CNTNAP4: variants seen among roughly 807,000 people sequenced by gnomAD.
CNTNAP4 encodes the protein contactin-associated protein-like 4.
Under a neutral mutation model 148.4 loss-of-function variants are expected in CNTNAP4, and 98 were observed. The observed-to-expected ratio is 0.66, with a 90% CI of 0.56 to 0.78. The LOEUF (loss-of-function observed/expected upper bound fraction) is 0.78. Ranked by LOEUF, CNTNAP4 falls within the 30% of genes least tolerant of loss-of-function variation. The probability of loss-of-function intolerance (pLI) is 0.00; values close to 1 mark genes in which losing one functional copy is unlikely to be tolerated. For missense variants in CNTNAP4, 1,935 were observed against 1,565.6 expected (o/e 1.24, Z -3.98); for synonymous variants, 730 against 565.1 (o/e 1.29, Z -4.14).
At chr16:76,307,187 C>T (rs1034858772) in intron 1 of CNTNAP4, among the ~76,000 whole-genome samples, 1 of 151,782 alleles carries the variant, frequency 6.6e-6, no homozygotes, top group Non-Finnish European at 1.5e-5. Flanking sequence ...TATATAATAT[C>T]GTAATTAATT....
intron 4 of CNTNAP4, among the ~76,000 whole-genome samples, chr16:76,430,685 C>T (rs1273407305): frequency 6.6e-6 from 1 of 152,192 alleles, no homozygotes; most frequent in Admixed American, 6.5e-5. Context: ...TCTGTGCCTC[C>T]TCATCTGCAC....
intron 2 of CNTNAP4, among the ~76,000 whole-genome samples, chr16:76,333,779 G>GTTTTTTTTTTTTTTTT (rs549878036): frequency 6.6e-5 from 3 of 45,614 alleles, no homozygotes; most frequent in African/African-American, 1.5e-4. Flanking sequence ...TGGGTTATAG[G>GTTTTTTTTTTTTTTTT]TTTTTTTTTT....
chr16:76,447,772 G>T (rs1250667906), intron 4 of CNTNAP4, among the ~76,000 whole-genome samples: 1 of 152,158 alleles, frequency 6.6e-6, no homozygotes, highest in African/African-American at 2.4e-5. Context: ...CATGTTTAAG[G>T]TAGGCTAGGC....
At chr16:76,342,376 A>G (rs1248062164) in intron 2 of CNTNAP4, among the ~76,000 whole-genome samples, 1 of 152,142 alleles carries the variant, frequency 6.6e-6, no homozygotes, top group Non-Finnish European at 1.5e-5. Flanking sequence ...TCATTAAATG[A>G]AAACAAAGTT....
chr16:76,361,559 G>A (rs992816838), intron 3 of CNTNAP4, among the ~76,000 whole-genome samples: 1 of 151,984 alleles, frequency 6.6e-6, no homozygotes, highest in Non-Finnish European at 1.5e-5. Context: ...CTATTCATTT[G>A]CCTATGGACA....
chr16:76,439,547 C>A (rs1197602015), intron 4 of CNTNAP4, among the ~76,000 whole-genome samples: 1 of 152,118 alleles, frequency 6.6e-6, no homozygotes, highest in African/African-American at 2.4e-5. Context: ...CTTACATCCT[C>A]CGGTGATGCA....
In CNTNAP4 at chr16:76,462,031, A is replaced by G. The variant is rs201161198; in HGVS notation, c.1409A>G (p.Asp470Gly). ...AKKNHLSVAV[D>G]GQMASAAPLL... ...AAGAATCACTTGAGTGTGGCGGTGGACGGCCAGATGGCTTCTGCTGCTCCT... is the reference window on the plus strand; with the variant it reads ...AAGAATCACTTGAGTGTGGCGGTGGGCGGCCAGATGGCTTCTGCTGCTCCT... The change falls in exon 9 of 24, where the codon GAC becomes GGC. Residue 470 changes from aspartate to glycine, a missense_variant. Transcript: ENST00000611870. The G allele has an allele frequency of 1.1e-5, 17 of 1,613,692 alleles. No individual in the cohort carries two copies. The highest frequency in any genetic ancestry group is 1.4e-5 in the Non-Finnish European group (16 of 1,179,822).
Position 76,397,507 on chromosome 16 carries a change from C to T in CNTNAP4, c.391-29945C>T, listed in dbSNP as rs2078242933. Among the ~76,000 whole-genome samples the T allele has an allele frequency of 2.6e-5, 4 of 151,874 alleles. No individual in the cohort carries two copies. The South Asian group carries it at 8.3e-4, about 32-fold the overall frequency. On this transcript the variant is annotated intron_variant, in intron 3 of 23. Coordinates refer to ENST00000611870, the MANE Select transcript of CNTNAP4 (RefSeq NM_033401.5). ...AGCTTTGGAGTGTGGAGACAGCACA[C>T]ATCAGATACGCAGTGGGTGGGTTTG...
chr16:76,471,113 CAT>C, intron 10 of CNTNAP4, among the ~76,000 whole-genome samples: 1 of 151,798 alleles, frequency 6.6e-6, no homozygotes, highest in African/African-American at 2.4e-5. Context: ...CAAACACACA[CAT>C]ACACACACAC....
intron 3 of CNTNAP4, among the ~76,000 whole-genome samples, chr16:76,387,384 T>G (rs2016602713): frequency 6.6e-6 from 1 of 152,232 alleles, no homozygotes; most frequent in African/African-American, 2.4e-5. Context: ...TGGCAGCTAT[T>G]CATAAAACTG....
chr16:76,391,067 T>A (rs1309938944), intron 3 of CNTNAP4, among the ~76,000 whole-genome samples: 1 of 152,182 alleles, frequency 6.6e-6, no homozygotes, highest in Non-Finnish European at 1.5e-5. Context: ...TTGACTATAG[T>A]CACCCTATTG....
chr16:76,452,489 T>G lies in CNTNAP4; in HGVS notation c.1072-19T>G. ...TGTGAATAACATTCTGAAAGCTTTT[T>G]CTTTTACTTTATTCTCAGGGAAATG... On this transcript the variant is annotated intron_variant, in intron 7 of 23. Transcript: ENST00000611870. The G allele has an allele frequency of 6.2e-7, 1 of 1,612,878 alleles. No homozygotes were observed. The highest frequency in any genetic ancestry group is 1.1e-5 in the South Asian group (1 of 90,830).
intron 2 of CNTNAP4, among the ~76,000 whole-genome samples, chr16:76,329,771 G>A (rs150465666): frequency 6.6e-6 from 1 of 151,988 alleles, no homozygotes; most frequent in Admixed American, 6.6e-5. Context: ...AAATAAAAGG[G>A]ACACATAAAA....
intron 17 of CNTNAP4, among the ~76,000 whole-genome samples, chr16:76,524,365 C>T (rs571973967): frequency 4.6e-5 from 7 of 152,224 alleles, no homozygotes; most frequent in Admixed American, 1.3e-4. Context: ...GAGAGATGGC[C>T]ACAACAAAAG....
At position 76,402,982 on chromosome 16, in the gene CNTNAP4, T is replaced by C. The variant is rs2078469284; in HGVS notation, c.391-24470T>C. ...ATTAAGCAATCAATTTTAGAGTATG[T>C]ACCATGTAGCAATGATAACAACATA... is the stretch of plus-strand genomic sequence containing the variant. On this transcript the variant is annotated intron_variant, in intron 3 of 23. Coordinates refer to ENST00000611870, the MANE Select transcript of CNTNAP4 (RefSeq NM_033401.5). 3.3e-5 allele frequency among the ~76,000 whole-genome samples: 5 copies of C among 152,278 alleles called. No homozygotes were observed. The South Asian group carries it at 1.0e-3, about 32-fold the overall frequency.
intron 2 of CNTNAP4, among the ~76,000 whole-genome samples, chr16:76,320,243 T>C (rs991312540): frequency 6.6e-6 from 1 of 152,196 alleles, no homozygotes; most frequent in Non-Finnish European, 1.5e-5. Context: ...AGATTAGATC[T>C]TGTAAACAAT....
chr16:76,466,937 T>C (rs2081195144), intron 9 of CNTNAP4, among the ~76,000 whole-genome samples: 1 of 152,128 alleles, frequency 6.6e-6, no homozygotes, highest in African/African-American at 2.4e-5. Flanking sequence ...TATTTCATCA[T>C]TATTAATGTA....
At chr16:76,460,934 G>C (rs1232283861) in intron 8 of CNTNAP4, among the ~76,000 whole-genome samples, 1 of 151,028 alleles carries the variant, frequency 6.6e-6, no homozygotes. Context: ...TCCTGGGAGC[G>C]TCTGTCACAA....
chr16:76,501,048 T>A (rs567167795), intron 15 of CNTNAP4, among the ~76,000 whole-genome samples: 1 of 152,292 alleles, frequency 6.6e-6, no homozygotes, highest in East Asian at 1.9e-4. Context: ...AGTTGCTTAG[T>A]TAAAAAGCAA....
Sources: gnomAD v4.1 joint callset for allele counts (sites outside exome capture counted in the v4.1 genomes callset) on GRCh38, gnomAD v4.1.1 for gene constraint, MANE v1.5 for transcripts, NCBI Gene and HGNC (gene_info 2026-07-23, HGNC 2026-07-21) for gene names.